Variants in ARID1B observed in about 807,000 individuals in gnomAD.
The protein encoded by ARID1B is AT-rich interactive domain-containing protein 1B.
In ARID1B, 30 loss-of-function variants were observed where a neutral mutation model predicts 212.3. That is an observed-to-expected ratio of 0.14 (90% CI 0.11 to 0.19). ARID1B has a LOEUF of 0.19. Ranked by LOEUF, ARID1B falls within the 10% of genes least tolerant of loss-of-function variation. The probability of loss-of-function intolerance (pLI) is 1.00; values close to 1 mark genes in which losing one functional copy is unlikely to be tolerated. For missense variants in ARID1B, 2,891 were observed against 3,204.0 expected (o/e 0.90, Z 2.36); for synonymous variants, 1,402 against 1,301.7 (o/e 1.08, Z -1.66).
chr6:157,073,428 G>A lies in ARID1B; in HGVS notation c.2248-11234G>A, dbSNP rs549518953. 2.0e-5 allele frequency among the ~76,000 whole-genome samples: 3 copies of A among 152,224 alleles called. No homozygotes were observed. The South Asian group carries it at 6.2e-4, about 32-fold the overall frequency. Reference sequence around the variant, plus strand: ...CCTATGCACCCCATCTTTTAAGTGAGATATTTTTCTACAAGTCATTTACAC... The same window carrying A: ...CCTATGCACCCCATCTTTTAAGTGAAATATTTTTCTACAAGTCATTTACAC... On this transcript the variant is annotated intron_variant, in intron 4 of 19. Transcript: ENST00000636930.
intron 4 of ARID1B, among the ~76,000 whole-genome samples, chr6:157,029,242 A>G (rs1226860239): frequency 1.3e-5 from 2 of 152,264 alleles, no homozygotes; most frequent in Non-Finnish European, 2.9e-5. Flanking sequence ...GCAAGCATGT[A>G]TCACCAACCA....
At chr6:157,111,701 C>CTT (rs1347125011) in intron 6 of ARID1B, among the ~76,000 whole-genome samples, 2 of 152,168 alleles carry the variant, frequency 1.3e-5, no homozygotes, top group East Asian at 3.8e-4. Flanking sequence ...GATAGATTTG[C>CTT]TTTCTCTACA....
At chr6:156,964,005 C>A (rs1184608066) in intron 4 of ARID1B, among the ~76,000 whole-genome samples, 2 of 152,246 alleles carry the variant, frequency 1.3e-5, no homozygotes, top group Non-Finnish European at 2.9e-5. Flanking sequence ...AGAAATTCTT[C>A]TCCACTGCTC....
chr6:156,989,215 G>A (rs192604858), intron 4 of ARID1B, among the ~76,000 whole-genome samples: 4 of 152,254 alleles, frequency 2.6e-5, no homozygotes, highest in African/African-American at 7.2e-5. Flanking sequence ...CTCTAAGTCA[G>A]GTCAGCCACA....
In ARID1B at chr6:157,190,240, T is replaced by C. The variant is rs1583481198; in HGVS notation, c.4231+30T>C. 1.3e-6 allele frequency: 2 copies of C among 1,584,954 alleles called. No individual in the cohort carries two copies. The highest frequency in any genetic ancestry group is 1.7e-6 in the Non-Finnish European group (2 of 1,169,862). On this transcript the variant is annotated intron_variant, in intron 15 of 19. Transcript: ENST00000636930. This position sits in a 1 kb window ranked among gnomAD's most constrained non-coding sequence, Gnocchi z 4.6. ...GTGTAGAGGGGCCTCCACCCGGCCA[T>C]GGACCAGTGGGCATTCTACTCTCTG...
intron 4 of ARID1B, among the ~76,000 whole-genome samples, chr6:156,950,105 T>A (rs74952737): frequency 0.22 from 32,732 of 152,152 alleles, 3,752 homozygotes; most frequent in Non-Finnish European, 0.24. Context: ...TCAGAGTCGG[T>A]TGGTAGCATA....
At chr6:157,185,792 C>A (rs1432388649) in intron 13 of ARID1B, 1 of 152,208 alleles carries the variant, frequency 6.6e-6, no homozygotes, top group African/African-American at 2.4e-5. Flanking sequence ...CAAGGGATCT[C>A]ACATAAATAC....
chr6:157,194,749 G>T (rs927802106), intron 15 of ARID1B: 26 of 152,124 alleles, frequency 1.7e-4, no homozygotes, highest in Non-Finnish European at 2.9e-5. Flanking sequence ...ATGGGAGAAG[G>T]GAACTAACTT....
intron 2 of ARID1B, among the ~76,000 whole-genome samples, chr6:156,830,334 G>A (rs899269838): frequency 6.6e-6 from 1 of 152,180 alleles, no homozygotes; most frequent in African/African-American, 2.4e-5. Flanking sequence ...TGGTGCGGCC[G>A]TCGGTAACCC....
intron 6 of ARID1B, among the ~76,000 whole-genome samples, chr6:157,118,681 TGAAGGCA>T (rs1350277274): frequency 6.6e-6 from 1 of 152,224 alleles, no homozygotes; most frequent in Non-Finnish European, 1.5e-5. Flanking sequence ...TAGTCAGTAA[TGAAGGCA>T]GTCATGGCAC....
chr6:156,913,574 C>A lies in ARID1B; in HGVS notation c.2136+12049C>A, dbSNP rs532533833. 1.1e-3 allele frequency among the ~76,000 whole-genome samples: 161 copies of A among 152,258 alleles called. 1 individual carries two copies. The highest frequency in any genetic ancestry group is 1.9e-3 in the Non-Finnish European group (129 of 68,016). On this transcript the variant is annotated intron_variant, in intron 3 of 19. Transcript: ENST00000636930. ...ACAGTCACCATGTTGTACAACAGATCTCTTGAACTTATTCTTCCCATCTAA... is the reference window on the plus strand; with the variant it reads ...ACAGTCACCATGTTGTACAACAGATATCTTGAACTTATTCTTCCCATCTAA...
intron 4 of ARID1B, among the ~76,000 whole-genome samples, chr6:156,993,434 A>G (rs1158179530): frequency 6.6e-6 from 1 of 152,250 alleles, no homozygotes; most frequent in African/African-American, 2.4e-5. Flanking sequence ...GTATTCTGCT[A>G]GCTCAGTATG....
At position 157,154,580 on chromosome 6, in the gene ARID1B, G is replaced by GTT. The variant is rs1274752634; in HGVS notation, c.3089+5646_3089+5647dup. 7.2e-3 allele frequency among the ~76,000 whole-genome samples: 807 copies of GTT among 111,562 alleles called. 24 individuals are homozygous for GTT. Among genetic ancestry groups the GTT allele is most frequent in the African/African-American group, 0.022 (620 of 27,564 alleles). 73.2% of individuals were successfully genotyped at this position (111,562 alleles called of 152,430 possible). A position where few individuals can be genotyped will look rare whatever the true frequency, so the allele number is the denominator to read the frequency against. On this transcript the variant is annotated intron_variant, in intron 8 of 19. Transcript: ENST00000636930. Reference sequence around the variant, plus strand: ...GTTCTGCTCTTCTGTTTTTTTTTTTGTTTTTTTTTTTTTTTTTTGAGTTGG... The same window carrying GTT: ...GTTCTGCTCTTCTGTTTTTTTTTTTGTTTTTTTTTTTTTTTTTTTTGAGTTGG...
intron 1 of ARID1B, chr6:156,779,780 C>A (rs1000557295): frequency 2.6e-5 from 4 of 155,454 alleles, no homozygotes; most frequent in Admixed American, 2.0e-4. Flanking sequence ...CCCGAGGCGC[C>A]ACCCGCGCGG....
In ARID1B at chr6:156,977,888, A is replaced by G. The variant is rs142872561; in HGVS notation, c.2247+42312A>G. Among the ~76,000 whole-genome samples, 454 of 152,270 alleles carry G rather than the reference A, an allele frequency of 3.0e-3. 4 individuals are homozygous for G. Among genetic ancestry groups the G allele is most frequent in the African/African-American group, 0.01 (432 of 41,550 alleles). Reference sequence around the variant, plus strand: ...CTTACTTTAAGCTTTGGGAGGTGGGACAGGGTAAGCAGGGTCTGCACTGAT... The same window carrying G: ...CTTACTTTAAGCTTTGGGAGGTGGGGCAGGGTAAGCAGGGTCTGCACTGAT... On this transcript the variant is annotated intron_variant, in intron 4 of 19. Transcript: ENST00000636930.
At chr6:156,999,311 T>C (rs1778781309) in intron 4 of ARID1B, among the ~76,000 whole-genome samples, 1 of 152,240 alleles carries the variant, frequency 6.6e-6, no homozygotes, top group Admixed American at 6.5e-5. Context: ...TGCATACAAG[T>C]TATGTGACAT....
rs1454771488 is a variant in ARID1B, at chr6:157,094,574, C to G, written c.2491+9669C>G. On this transcript the variant is annotated intron_variant, in intron 5 of 19. Transcript: ENST00000636930. This position sits in a 1 kb window ranked among gnomAD's most constrained non-coding sequence, Gnocchi z 4.3. ...TTCGCCATGTTGGCCAGGCTGGTCT[C>G]GAACTCCTGACCTCTCGAAATCTGC... 6.6e-6 allele frequency among the ~76,000 whole-genome samples: 1 copy of G among 152,102 alleles called. No homozygotes were observed. The highest frequency in any genetic ancestry group is 2.4e-5 in the African/African-American group (1 of 41,406).
intron 4 of ARID1B, among the ~76,000 whole-genome samples, chr6:157,080,888 A>T (rs1460526973): frequency 1.3e-5 from 2 of 152,214 alleles, no homozygotes; most frequent in Non-Finnish European, 2.9e-5. Flanking sequence ...ATTTTAAAAA[A>T]TTAATCATCG....
chr6:156,897,937 TG>T (rs1476779268), intron 2 of ARID1B, among the ~76,000 whole-genome samples: 1 of 152,190 alleles, frequency 6.6e-6, no homozygotes, highest in African/African-American at 2.4e-5. Flanking sequence ...AACAGATGTT[TG>T]TTGACGCTCA....
Sources: gnomAD v4.1 joint callset for allele counts (sites outside exome capture counted in the v4.1 genomes callset) on GRCh38, gnomAD v4.1.1 for gene constraint, Gnocchi (gnomAD v3.1) non-coding constraint, MANE v1.5 for transcripts, NCBI Gene and HGNC (gene_info 2026-07-23, HGNC 2026-07-21) for gene names.